The following ERBIN variants were observed in gnomAD, a reference collection of about 807,000 sequenced individuals.
The protein encoded by ERBIN is erbb2 interacting protein, also known as densin-180-like protein.
Under a neutral mutation model 158.4 loss-of-function variants are expected in ERBIN, and 60 were observed. The ratio of observed to expected loss-of-function variants is 0.38; its 90% confidence interval spans 0.31 to 0.47. The LOEUF is 0.47. Ranked by LOEUF, ERBIN falls within the 20% of genes least tolerant of loss-of-function variation. ERBIN has a pLI of 0.99. For synonymous variants in ERBIN, 594 were observed against 557.2 expected (o/e 1.07, Z -0.93); for missense variants, 1,610 against 1,648.0 (o/e 0.98, Z 0.40).
Position 66,007,000 on chromosome 5 carries a change from G to C in ERBIN, c.308-5049G>C, listed in dbSNP as rs1194877162. Among the ~76,000 whole-genome samples the C allele has an allele frequency of 5.0e-4, 24 of 48,364 alleles. No individual in the cohort carries two copies. The East Asian group carries it at 6.6e-3, about 13-fold the overall frequency. The allele number at this position is 48,364 out of a possible 152,430, so 31.7% of individuals were successfully genotyped here. A position where few individuals can be genotyped will look rare whatever the true frequency, so the allele number is the denominator to read the frequency against. ...AGTGTGGCGATTCCTTAGGGATCTA[G>C]AATAGAAATACCATTTGACCCAGCA... On this transcript the variant is annotated intron_variant, in intron 4 of 25. Transcript: ENST00000284037.
chr5:66,052,577 G>A (rs1359424594), intron 20 of ERBIN, among the ~76,000 whole-genome samples: 1 of 152,108 alleles, frequency 6.6e-6, no homozygotes, highest in Admixed American at 6.5e-5. Context: ...TAAAGCCTAA[G>A]CAAGGAATAC....
intron 1 of ERBIN, among the ~76,000 whole-genome samples, chr5:65,980,096 G>A (rs866403197): frequency 2.0e-5 from 3 of 152,184 alleles, no homozygotes; most frequent in Middle Eastern, 3.2e-3. Flanking sequence ...TAGAAGGTAA[G>A]AAAAGAAGAA....
Position 66,053,415 on chromosome 5 carries a change from T to C in ERBIN, c.2097T>C (p.Asp699=). 1 of 1,456,880 alleles carries C rather than the reference T, an allele frequency of 6.9e-7. No individual in the cohort carries two copies. Among genetic ancestry groups the C allele is most frequent in the Non-Finnish European group, 9.1e-7 (1 of 1,102,204 alleles). 90.2% of individuals were successfully genotyped at this position (1,456,880 alleles called of 1,614,324 possible). The change falls in exon 21 of 26, where the codon GAT becomes GAC. Residue 699 remains aspartate (D), a synonymous_variant. Coordinates refer to ENST00000284037, the MANE Select transcript of ERBIN (RefSeq NM_001253697.2). ...ATTATCTTTATTTTAGGCAAGAAGA[T>C]GAAAATTTTAACAGCCTTTTACAAA... is the stretch of plus-strand genomic sequence containing the variant. ...IDINSKIRQE[D]ENFNSLLQNG...
intron 24 of ERBIN, chr5:66,076,633 A>G: frequency 1.7e-6 from 1 of 596,908 alleles, no homozygotes; most frequent in Non-Finnish European, 2.9e-6. Flanking sequence ...ATGATTTTTA[A>G]CTTTCTTATT....
In ERBIN at chr5:66,024,461, C is replaced by T; in HGVS notation, c.817+11C>T. 1 of 1,572,028 alleles carries T rather than the reference C, an allele frequency of 6.4e-7. No individual in the cohort carries two copies. Among genetic ancestry groups the T allele is most frequent in the Non-Finnish European group, 8.6e-7 (1 of 1,168,612 alleles). Reference sequence around the variant, plus strand: ...TTCCTGAGACTATTGGTTTGTATTGCTTTCAAATTCATGTAATTTTTATTA... The same window carrying T: ...TTCCTGAGACTATTGGTTTGTATTGTTTTCAAATTCATGTAATTTTTATTA... On this transcript the variant is annotated intron_variant, in intron 10 of 25. Transcript: ENST00000284037.
intron 5 of ERBIN, among the ~76,000 whole-genome samples, chr5:66,013,201 A>G (rs1307601873): frequency 3.9e-5 from 6 of 152,212 alleles, no homozygotes; most frequent in Admixed American, 3.3e-4. Context: ...AGTCCTTTGA[A>G]TTGAGAGTAG....
At chr5:66,070,418 A>G (rs1190438333) in intron 21 of ERBIN, among the ~76,000 whole-genome samples, 2 of 152,164 alleles carry the variant, frequency 1.3e-5, no homozygotes, top group Non-Finnish European at 2.9e-5. Context: ...CCCTGGGGGT[A>G]AAGATCAGTG....
At chr5:65,977,337 G>A (rs1487167050) in intron 1 of ERBIN, among the ~76,000 whole-genome samples, 1 of 150,986 alleles carries the variant, frequency 6.6e-6, no homozygotes, top group Non-Finnish European at 1.5e-5. Flanking sequence ...GCTGCCGGGC[G>A]GAGATGCTCC....
intron 2 of ERBIN, among the ~76,000 whole-genome samples, 191 bp downstream of exon 2, chr5:65,988,873 C>G (rs1751550857): frequency 6.6e-6 from 1 of 150,418 alleles, no homozygotes; most frequent in South Asian, 2.1e-4. Context: ...TGGTAGTACC[C>G]TTGGGAGGCT....
intron 1 of ERBIN, among the ~76,000 whole-genome samples, chr5:65,975,273 G>T (rs1230119043): frequency 6.6e-6 from 1 of 152,058 alleles, no homozygotes; most frequent in Non-Finnish European, 1.5e-5. Context: ...CTCCCAAAGT[G>T]CTGGGATTAC....
intron 1 of ERBIN, among the ~76,000 whole-genome samples, chr5:65,963,609 C>G (rs1264916059): frequency 2.0e-5 from 3 of 151,726 alleles, no homozygotes; most frequent in African/African-American, 7.3e-5. Context: ...AAAAACAAAA[C>G]AAAAACCAAC....
At chr5:65,975,282 A>T (rs1384504269) in intron 1 of ERBIN, among the ~76,000 whole-genome samples, 1 of 152,036 alleles carries the variant, frequency 6.6e-6, no homozygotes, top group East Asian at 1.9e-4. Flanking sequence ...TGCTGGGATT[A>T]CATGCGTGAG....
chr5:65,981,366 A>T (rs1750635705), intron 1 of ERBIN, among the ~76,000 whole-genome samples: 1 of 152,144 alleles, frequency 6.6e-6, no homozygotes, highest in African/African-American at 2.4e-5. Context: ...AGGACAGAAA[A>T]AGAAATTCAG....
rs142825839 is a variant in ERBIN, at chr5:66,074,558, A to T, written c.3757-466A>T. The stretch of plus-strand genomic sequence containing the variant: ...TTGGAAAGAATTTTACCACAAAATT[A>T]GTTTTTTTCTGAAGAAAAACGTCAG... On this transcript the variant is annotated intron_variant, in intron 22 of 25. Transcript: ENST00000284037. Among the ~76,000 whole-genome samples, 13 of 152,334 alleles carry T rather than the reference A, an allele frequency of 8.5e-5. No homozygotes were observed. The East Asian group carries it at 2.5e-3, about 29-fold the overall frequency.
intron 8 of ERBIN, chr5:66,022,914 A>T (rs1225492486): frequency 1.9e-5 from 3 of 156,226 alleles, no homozygotes; most frequent in African/African-American, 4.8e-5. Flanking sequence ...CTTCTTACTG[A>T]TAATGCATGA....
intron 1 of ERBIN, among the ~76,000 whole-genome samples, chr5:65,969,083 T>C (rs1384894938): frequency 1.3e-5 from 2 of 152,102 alleles, no homozygotes; most frequent in African/African-American, 2.4e-5. Context: ...TACTGTGATA[T>C]ATGTCAATTA....
In ERBIN at chr5:66,054,375, A is replaced by G. The variant is rs1363730113; in HGVS notation, c.3057A>G (p.Gln1019=). The G allele has an allele frequency of 1.2e-6, 2 of 1,614,056 alleles. No individual in the cohort carries two copies. The highest frequency in any genetic ancestry group is 2.2e-5 in the South Asian group (2 of 91,084). The part of the protein sequence containing the change: ...LLPRSESTEN[Q]SYAKHSANMN... Reference sequence around the variant, plus strand: ...CTAGATCAGAGAGCACAGAAAATCAAAGTTATGCTAAACATTCTGCCAATA... The same window carrying G: ...CTAGATCAGAGAGCACAGAAAATCAGAGTTATGCTAAACATTCTGCCAATA... The change falls in exon 21 of 26, where the codon CAA becomes CAG. Residue 1019 remains glutamine (Q), a synonymous_variant. Coordinates refer to ENST00000284037, the MANE Select transcript of ERBIN (RefSeq NM_001253697.2).
At chr5:65,950,514 A>G (rs1240766415) in intron 1 of ERBIN, among the ~76,000 whole-genome samples, 1 of 152,218 alleles carries the variant, frequency 6.6e-6, no homozygotes, top group Non-Finnish European at 1.5e-5. Flanking sequence ...TGATATTAAC[A>G]TTATTTATTA....
At chr5:65,990,058 A>G (rs901599204) in intron 2 of ERBIN, among the ~76,000 whole-genome samples, 4 of 152,258 alleles carry the variant, frequency 2.6e-5, no homozygotes, top group African/African-American at 7.2e-5. Flanking sequence ...GTTACTAAGT[A>G]GTAAACTTTT....
Sources: allele counts gnomAD v4.1 joint callset (sites outside exome capture counted in the v4.1 genomes callset), GRCh38; gene constraint gnomAD v4.1.1; transcripts MANE v1.5; gene names NCBI Gene and HGNC (gene_info 2026-07-23, HGNC 2026-07-21).